The following ITIH6 variants were observed in gnomAD, a reference collection of about 807,000 sequenced individuals.
ITIH6 encodes the protein inter-alpha-trypsin inhibitor heavy chain H6.
A neutral mutation model predicts 58.2 loss-of-function variants in ITIH6; 60 were observed. The ratio of observed to expected loss-of-function variants is 1.03; its 90% CI spans 0.84 to 1.28. ITIH6 has a LOEUF of 1.28. ITIH6 is among the 50% of genes most tolerant of loss of function. The pLI is 0.00. For missense variants in ITIH6, 1,290 were observed against 1,021.1 expected (o/e 1.26, Z -3.59); for synonymous variants, 493 against 417.4 (o/e 1.18, Z -2.21).
intron 6 of ITIH6, among the ~76,000 whole-genome samples, chrX:54,767,180 G>A (rs1306591174): frequency 9.4e-6 from 1 of 105,860 alleles, no homozygotes; most frequent in Non-Finnish European, 1.9e-5. Context: ...TTTGCGTAGA[G>A]GTGTTTGTAG....
At chrX:54,794,299 T>C (rs1157019534) in intron 2 of ITIH6, among the ~76,000 whole-genome samples, 1 of 110,551 alleles carries the variant, frequency 9.0e-6, no homozygotes, top group Non-Finnish European at 1.9e-5. Context: ...CCCAAGAACA[T>C]TTCCTCCAGC....
intron 2 of ITIH6, among the ~76,000 whole-genome samples, chrX:54,796,005 T>C (rs188073453): frequency 4.5e-5 from 5 of 111,645 alleles, no homozygotes; most frequent in Admixed American, 3.8e-4. Flanking sequence ...GCTGAGACTA[T>C]AGGCATGCAC....
chrX:54,760,923 C>T (rs1174793557), intron 6 of ITIH6, among the ~76,000 whole-genome samples: 1 of 111,680 alleles, frequency 9.0e-6, no homozygotes, highest in Non-Finnish European at 1.9e-5. Context: ...TTTATAGCAG[C>T]ATGATTTATA....
At position 54,758,214 on chromosome X, in the gene ITIH6, G is replaced by T. The variant is rs772998627; in HGVS notation, c.1860C>A (p.Thr620=). The T allele has an allele frequency of 2.5e-6, 3 of 1,211,099 alleles. No individual in the cohort carries two copies. Among genetic ancestry groups the T allele is most frequent in the Non-Finnish European group, 3.4e-6 (3 of 895,138 alleles). Residue 620 remains threonine (T), a synonymous_variant, in exon 8 of 13, where the codon ACC becomes ACA. Coordinates refer to ENST00000218436, the MANE Select transcript of ITIH6 (RefSeq NM_198510.3). ...CAGCAGAGGTGGAAGTCTGTCTCCT[G>T]GTCTCCTCACTGGCCTGTTTGGGTT... is the stretch of plus-strand genomic sequence containing the variant. ...MVQPKQASEE[T]RRQTSTSAGP...
At chrX:54,786,848 C>T (rs185332814) in intron 5 of ITIH6, among the ~76,000 whole-genome samples, 4 of 111,538 alleles carry the variant, frequency 3.6e-5, no homozygotes, top group Non-Finnish European at 7.5e-5. Flanking sequence ...GGGTTCCCAA[C>T]GTTGGCCAAC....
At chrX:54,769,988 C>G (rs1379469685) in intron 6 of ITIH6, among the ~76,000 whole-genome samples, 1 of 110,363 alleles carries the variant, frequency 9.1e-6, no homozygotes, top group East Asian at 2.9e-4. Context: ...CTTGCTGCCG[C>G]CTTGCAGTTT....
intron 6 of ITIH6, among the ~76,000 whole-genome samples, chrX:54,765,804 A>G (rs1033517398): frequency 9.2e-6 from 1 of 109,204 alleles, no homozygotes; most frequent in African/African-American, 3.4e-5. Context: ...GCCTTGTAGT[A>G]TAGTTTGAAG....
intron 6 of ITIH6, among the ~76,000 whole-genome samples, chrX:54,763,456 A>G (rs187364435): frequency 8.9e-6 from 1 of 112,028 alleles, no homozygotes; most frequent in African/African-American, 3.2e-5. Flanking sequence ...TTACTTTGAG[A>G]TTTCCCAGCT....
At position 54,758,815 on chromosome X, in the gene ITIH6, TG is replaced by T. The variant is rs1220201458; in HGVS notation, c.1258del (p.His420ThrfsTer29). ...ILSNVRQALG[H>X]RVSLFSLAFG... ...GGCCAAGCTGAAAAGGGATACCCTG[TG>T]GCCTAGCGCCTGACGGACATTGGAG... On this transcript the variant is annotated frameshift_variant, in exon 8 of 13. Coordinates refer to ENST00000218436, the MANE Select transcript of ITIH6 (RefSeq NM_198510.3). LOFTEE classifies it high-confidence loss of function. 8.3e-7 allele frequency: 1 copy of T among 1,209,109 alleles called. No homozygotes were observed. Among genetic ancestry groups the T allele is most frequent in the Non-Finnish European group, 1.1e-6 (1 of 894,758 alleles).
At chrX:54,797,379 T>C (rs1054239146) in intron 1 of ITIH6, among the ~76,000 whole-genome samples, 1 of 111,887 alleles carries the variant, frequency 8.9e-6, no homozygotes, top group African/African-American at 3.2e-5. Context: ...ATGAATCTCC[T>C]GGAAAGCTTG....
intron 12 of ITIH6, 147 bp downstream of exon 12, chrX:54,750,856 T>G (rs1928337568): frequency 1.7e-6 from 1 of 582,800 alleles, no homozygotes. Context: ...TATCTGGGTC[T>G]GTCCTCTCCC....
Position 54,751,395 on chromosome X carries a change from G to A in ITIH6, c.3353-15C>T, listed in dbSNP as rs1240877641. 5.0e-6 allele frequency: 6 copies of A among 1,204,453 alleles called. No homozygotes were observed. Among genetic ancestry groups the A allele is most frequent in the Middle Eastern group, 2.3e-4 (1 of 4,335 alleles). ...CACATGCAGCCCTGGAGGGAGGGGAGTGTGGGCCTGGAGCGGGGGCTTTTG... is the reference window on the plus strand; with the variant it reads ...CACATGCAGCCCTGGAGGGAGGGGAATGTGGGCCTGGAGCGGGGGCTTTTG... On this transcript the variant is annotated splice_polypyrimidine_tract_variant and intron_variant, in intron 11 of 12. Coordinates refer to ENST00000218436, the MANE Select transcript of ITIH6 (RefSeq NM_198510.3).
intron 6 of ITIH6, among the ~76,000 whole-genome samples, chrX:54,768,048 G>C (rs1236879265): frequency 9.9e-6 from 1 of 100,777 alleles, no homozygotes; most frequent in Non-Finnish European, 1.9e-5. Context: ...AGGTCACTCA[G>C]GACATGCTTT....
rs763717552 is a variant in ITIH6, at chrX:54,792,046, C to G, written c.258-10G>C. ...TTTATTGTTGATGGTCCTAATGGGGCAGGAAAGAGGAGGGACAGTAGAGAC... is the reference window on the plus strand; with the variant it reads ...TTTATTGTTGATGGTCCTAATGGGGGAGGAAAGAGGAGGGACAGTAGAGAC... On this transcript the variant is annotated splice_polypyrimidine_tract_variant and intron_variant, in intron 2 of 12. Transcript: ENST00000218436. 7.0e-6 allele frequency: 8 copies of G among 1,149,888 alleles called. No individual in the cohort carries two copies. The highest frequency in any genetic ancestry group is 9.5e-6 in the Non-Finnish European group (8 of 841,794). The allele number at this position is 1,149,888 out of a possible 1,213,427, so 94.8% of individuals were successfully genotyped here.
At chrX:54,773,209 G>C (rs969536036) in intron 6 of ITIH6, among the ~76,000 whole-genome samples, 3 of 111,602 alleles carry the variant, frequency 2.7e-5, no homozygotes, top group African/African-American at 9.8e-5. Flanking sequence ...CTTATGAGGA[G>C]GTCTCAATCT....
chrX:54,768,375 A>T (rs1191541741), intron 6 of ITIH6, among the ~76,000 whole-genome samples: 1 of 87,385 alleles, frequency 1.1e-5, no homozygotes, highest in Non-Finnish European at 2.2e-5. Context: ...TTAATTGGAG[A>T]ATTTAGTCCA....
At chrX:54,781,939 G>T (rs1329206888) in intron 5 of ITIH6, among the ~76,000 whole-genome samples, 1 of 111,828 alleles carries the variant, frequency 8.9e-6, no homozygotes, top group Non-Finnish European at 1.9e-5. Context: ...CAGGAACAGA[G>T]AAGAAGCTGG....
intron 5 of ITIH6, among the ~76,000 whole-genome samples, chrX:54,781,917 TTA>T (rs1929156713): frequency 9.0e-6 from 1 of 111,731 alleles, no homozygotes; most frequent in Admixed American, 9.5e-5. Context: ...AACAATGAGA[TTA>T]TGTTTTTAAC....
chrX:54,797,092 A>G lies in ITIH6; in HGVS notation c.107T>C (p.Leu36Ser). Reference sequence around the variant, plus strand: ...GGAGCGCATAGAATAGCTTGTCATTAACAACTGAGAGAGAAGACAGGAGGA... The same window carrying G: ...GGAGCGCATAGAATAGCTTGTCATTGACAACTGAGAGAGAAGACAGGAGGA... ...PVPASSSTKL[L>S]MTSYSMRSTV... Residue 36 changes from leucine to serine, a missense_variant, in exon 2 of 13, where the codon TTA becomes TCA. Leu to Ser is a moderately radical substitution (Grantham distance 145). Coordinates refer to ENST00000218436, the MANE Select transcript of ITIH6 (RefSeq NM_198510.3). The G allele has an allele frequency of 8.3e-7, 1 of 1,208,523 alleles. No individual in the cohort carries two copies. The highest frequency in any genetic ancestry group is 1.8e-5 in the South Asian group (1 of 56,447).
Sources: gnomAD v4.1 joint callset for allele counts (sites outside exome capture counted in the v4.1 genomes callset) on GRCh38, gnomAD v4.1.1 for gene constraint, MANE v1.5 for transcripts, NCBI Gene and HGNC (gene_info 2026-07-23, HGNC 2026-07-21) for gene names.